ARHGAP6: variants seen among roughly 807,000 people sequenced by gnomAD.
ARHGAP6 encodes Rho GTPase activating protein 6.
In ARHGAP6, 16 loss-of-function variants were observed where a neutral mutation model predicts 55.7. The observed-to-expected ratio is 0.29, with a 90% CI of 0.19 to 0.44. The LOEUF is 0.44. Among genes scored for constraint, ARHGAP6 ranks in the 20% least tolerant of loss-of-function variants. The pLI, the probability that ARHGAP6 is intolerant of heterozygous loss-of-function variation, is 1.00. For missense variants in ARHGAP6, 698 were observed against 808.9 expected (o/e 0.86, Z 1.66); for synonymous variants, 382 against 360.9 (o/e 1.06, Z -0.66).
chrX:11,563,324 T>C (rs1366935963), intron 1 of ARHGAP6, among the ~76,000 whole-genome samples: 1 of 100,286 alleles, frequency 1.0e-5, no homozygotes, highest in Non-Finnish European at 2.0e-5. Flanking sequence ...AAAAAAATCA[T>C]AAGATAATCC....
intron 1 of ARHGAP6, among the ~76,000 whole-genome samples, chrX:11,624,344 A>G (rs1380797869): frequency 2.7e-5 from 3 of 112,499 alleles, no homozygotes; most frequent in African/African-American, 9.7e-5. Context: ...GACCTCAAAA[A>G]CTCAGGCAAC....
intron 1 of ARHGAP6, among the ~76,000 whole-genome samples, chrX:11,316,920 G>A (rs2048365990): frequency 8.9e-6 from 1 of 112,568 alleles, no homozygotes; most frequent in South Asian, 3.7e-4. Context: ...GAATAGTAAT[G>A]ATGCCTGAAT....
At chrX:11,537,273 C>T (rs1394537486) in intron 1 of ARHGAP6, among the ~76,000 whole-genome samples, 2 of 112,184 alleles carry the variant, frequency 1.8e-5, no homozygotes, top group African/African-American at 3.2e-5. Flanking sequence ...GAACATGTGG[C>T]AATGTCTTGA....
At position 11,139,240 on chromosome X, in the gene ARHGAP6, T is replaced by C; in HGVS notation, c.2548A>G (p.Ser850Gly). Residue 850 changes from serine (S) to glycine (G), a missense_variant, in exon 13 of 13, where the codon AGC becomes GGC. Coordinates refer to ENST00000337414, the MANE Select transcript of ARHGAP6 (RefSeq NM_013427.3). ...CCGGCCACATCCAGCTCACTCTCGC[T>C]GAGGTCGTGGGCGCCGCTCAGGGTC... ...YLTLSGAHDL[S>G]ESELDVAGLQ... 8.3e-7 allele frequency: 1 copy of C among 1,199,437 alleles called. No homozygotes were observed. The highest frequency in any genetic ancestry group is 3.0e-5 in the East Asian group (1 of 33,142).
intron 2 of ARHGAP6, among the ~76,000 whole-genome samples, chrX:11,213,729 G>C (rs759268802): frequency 1.8e-5 from 2 of 111,769 alleles, no homozygotes; most frequent in Non-Finnish European, 3.8e-5. Context: ...TGGAAAGATA[G>C]ACACTGGAAA....
rs995014815 is a variant in ARHGAP6 at position 11,205,911 on chromosome X, T to C, written c.749-8915A>G. Among the ~76,000 whole-genome samples the C allele has an allele frequency of 5.3e-5, 6 of 112,210 alleles. No individual in the cohort carries two copies. In the Admixed American group the frequency reaches 5.7e-4, roughly 11 times the overall value. On this transcript the variant is annotated intron_variant, in intron 2 of 12. Transcript: ENST00000337414. ...GAGATTCTATATATTTAGCATGTAG[T>C]ACAATGCCCAACACATACTAGGAGT...
At chrX:11,366,115 A>C (rs1318823564) in intron 1 of ARHGAP6, among the ~76,000 whole-genome samples, 1 of 112,340 alleles carries the variant, frequency 8.9e-6, no homozygotes, top group Non-Finnish European at 1.9e-5. Flanking sequence ...CCCTACCTGC[A>C]AATAGCATCA....
At chrX:11,477,040 AGAC>A (rs2050409658) in intron 1 of ARHGAP6, among the ~76,000 whole-genome samples, 1 of 110,343 alleles carries the variant, frequency 9.1e-6, no homozygotes, top group Non-Finnish European at 1.9e-5. Context: ...GGCAAGACAT[AGAC>A]TAGGAAAAAA....
chrX:11,496,487 T>G (rs1244832222), intron 1 of ARHGAP6, among the ~76,000 whole-genome samples: 6 of 112,251 alleles, frequency 5.3e-5, no homozygotes, highest in African/African-American at 1.6e-4. Context: ...ATGAGGGACA[T>G]TCACAAAATT....
intron 1 of ARHGAP6, among the ~76,000 whole-genome samples, chrX:11,517,563 C>A (rs181345629): frequency 4.6e-4 from 51 of 111,487 alleles, no homozygotes; most frequent in African/African-American, 1.6e-3. Flanking sequence ...CTTTAGCCCT[C>A]ATCTCTCTCC....
At chrX:11,654,757 A>G (rs1192924148) in intron 1 of ARHGAP6, among the ~76,000 whole-genome samples, 1 of 111,257 alleles carries the variant, frequency 9.0e-6, no homozygotes, top group African/African-American at 3.3e-5. Flanking sequence ...AGCCGTTACT[A>G]CCTCCCTAGT....
At chrX:11,611,291 T>C (rs747184440) in intron 1 of ARHGAP6, among the ~76,000 whole-genome samples, 1 of 112,150 alleles carries the variant, frequency 8.9e-6, no homozygotes, top group East Asian at 2.8e-4. Context: ...TAAGAACCCA[T>C]AATAAAAGAC....
chrX:11,195,504 C>A, intron 3 of ARHGAP6, among the ~76,000 whole-genome samples: 1 of 111,087 alleles, frequency 9.0e-6, no homozygotes, highest in Middle Eastern at 4.6e-3. Context: ...GGACACAAAA[C>A]AGTAAGATGA....
At chrX:11,249,783 G>A (rs752845336) in intron 2 of ARHGAP6, among the ~76,000 whole-genome samples, 2 of 111,923 alleles carry the variant, frequency 1.8e-5, no homozygotes, top group South Asian at 7.4e-4. Context: ...ATAAAGTTTA[G>A]TTATTTGCTT....
chrX:11,139,071 G>T lies in ARHGAP6; in HGVS notation c.2717C>A (p.Thr906Lys). 1.7e-6 allele frequency: 2 copies of T among 1,204,693 alleles called. No individual in the cohort carries two copies. The highest frequency in any genetic ancestry group is 1.8e-5 in the South Asian group (1 of 56,161). Residue 906 changes from threonine (T) to lysine (K), a missense_variant, in exon 13 of 13, where the codon ACA becomes AAA. Coordinates refer to ENST00000337414, the MANE Select transcript of ARHGAP6 (RefSeq NM_013427.3). ...TGCTTGGCCTCCCTGGTCCGTGGGT[G>T]TCTCCACGCCTTCCGGGGGCCCCTG... is the stretch of plus-strand genomic sequence containing the variant. Reference protein sequence around the residue: ...WIQGPPEGVETPTDQGGQAAE... With the variant: ...WIQGPPEGVEKPTDQGGQAAE...
intron 1 of ARHGAP6, among the ~76,000 whole-genome samples, chrX:11,414,080 T>G (rs1025162258): frequency 8.9e-6 from 1 of 112,396 alleles, no homozygotes; most frequent in Non-Finnish European, 1.9e-5. Flanking sequence ...TTCTTTTGCC[T>G]TCATACTGAT....
At chrX:11,570,202 A>C (rs2051496142) in intron 1 of ARHGAP6, among the ~76,000 whole-genome samples, 1 of 111,500 alleles carries the variant, frequency 9.0e-6, no homozygotes, top group Non-Finnish European at 1.9e-5. Flanking sequence ...ACTCTAAATT[A>C]CAGGAAGGGC....
chrX:11,334,398 A>T (rs2048602676), intron 1 of ARHGAP6: 1 of 113,236 alleles, frequency 8.8e-6, no homozygotes, highest in African/African-American at 3.2e-5. Context: ...CAATTTAGTC[A>T]GTCATGTGTT....
At chrX:11,173,062 C>T (rs1047143135) in intron 8 of ARHGAP6, among the ~76,000 whole-genome samples, 1 of 111,808 alleles carries the variant, frequency 8.9e-6, no homozygotes, top group Non-Finnish European at 1.9e-5. Context: ...ATTTTATAGA[C>T]GAGGGAAGTG....
Sources: allele counts gnomAD v4.1 joint callset (sites outside exome capture counted in the v4.1 genomes callset), GRCh38; gene constraint gnomAD v4.1.1; transcripts MANE v1.5; gene names NCBI Gene and HGNC (gene_info 2026-07-23, HGNC 2026-07-21).